The following ANXA8 variants were observed in gnomAD, a reference collection of about 807,000 sequenced individuals.
ANXA8 encodes the protein annexin A8.
In ANXA8, 9 loss-of-function variants were observed where a neutral mutation model predicts 26.8. That is an observed-to-expected ratio of 0.34 (90% CI 0.20 to 0.59). ANXA8 has a LOEUF of 0.59. Ranked by LOEUF, ANXA8 falls within the 20% of genes least tolerant of loss-of-function variation. ANXA8 has a pLI of 0.84. For missense variants in ANXA8, 83 were observed against 238.5 expected, an observed-to-expected ratio of 0.35 and a Z score of 4.29; for synonymous variants, 39 against 94.8, an observed-to-expected ratio of 0.41 and a Z score of 3.42.
At chr10:47,639,003 T>C in the ANXA8 span, among the ~76,000 whole-genome samples, 1 of 150,298 alleles carries the variant, frequency 6.7e-6, no homozygotes, top group Non-Finnish European at 1.5e-5. Flanking sequence ...ACTAATATAT[T>C]ATGAATTCAT....
the ANXA8 span, among the ~76,000 whole-genome samples, chr10:47,513,769 T>G: frequency 7.3e-4 from 100 of 137,882 alleles, 26 homozygotes; most frequent in East Asian, 0.027. Context: ...CAAAGCCACC[T>G]AAAACATAAA....
the ANXA8 span, among the ~76,000 whole-genome samples, chr10:47,658,065 T>C: frequency 6.6e-6 from 1 of 151,794 alleles, no homozygotes; most frequent in African/African-American, 2.4e-5. Flanking sequence ...CATCTGTCAG[T>C]ATGTTCAAAA....
the ANXA8 span, chr10:47,507,661 G>C: frequency 1.3e-6 from 2 of 1,503,514 alleles, 1 homozygote; most frequent in Non-Finnish European, 1.8e-6. Flanking sequence ...AAGGGGGGCA[G>C]AGGAAACTCT....
chr10:47,945,137 G>A, the ANXA8 span, among the ~76,000 whole-genome samples: 3 of 150,184 alleles, frequency 2.0e-5, 1 homozygote, highest in South Asian at 6.3e-4. Context: ...CCCTCTTGTG[G>A]TTCAGAGAAT....
At chr10:47,611,347 CA>C in the ANXA8 span, among the ~76,000 whole-genome samples, 1 of 75,888 alleles carries the variant, frequency 1.3e-5, no homozygotes, top group Non-Finnish European at 2.6e-5. Context: ...CTTGAGAACA[CA>C]AATATAAAGT....
At chr10:47,626,820 A>G in the ANXA8 span, among the ~76,000 whole-genome samples, 1 of 150,254 alleles carries the variant, frequency 6.7e-6, no homozygotes, top group Non-Finnish European at 1.5e-5. Context: ...GAAGGAAGAG[A>G]AGAAGCTAAG....
At chr10:47,763,565 C>T in the ANXA8 span, 1 of 561,580 alleles carries the variant, frequency 1.8e-6, no homozygotes, top group Non-Finnish European at 2.2e-6. Context: ...GTACACCCAG[C>T]GCCTATTATT....
chr10:47,736,689 C>CT, the ANXA8 span, among the ~76,000 whole-genome samples: 497 of 149,314 alleles, frequency 3.3e-3, 7 homozygotes, highest in Non-Finnish European at 5.4e-3. Flanking sequence ...CAGTTTCACT[C>CT]TGTCACCCTG....
the ANXA8 span, among the ~76,000 whole-genome samples, chr10:47,513,159 C>T: frequency 3.2e-3 from 485 of 149,460 alleles, no homozygotes; most frequent in African/African-American, 0.011. Context: ...CTCAGCCACC[C>T]GAGTAGATGG....
chr10:47,650,149 A>G, the ANXA8 span, among the ~76,000 whole-genome samples: 1 of 147,876 alleles, frequency 6.8e-6, no homozygotes, highest in East Asian at 2.0e-4. Flanking sequence ...TGGAGGTTGT[A>G]GTGAGCTGAG....
chr10:47,666,307 G>T, the ANXA8 span, among the ~76,000 whole-genome samples: 2 of 150,138 alleles, frequency 1.3e-5, no homozygotes, highest in African/African-American at 5.0e-5. Context: ...AGATCATTGT[G>T]ACAGTGAAAT....
chr10:47,958,150 C>T, the ANXA8 span, among the ~76,000 whole-genome samples: 3 of 150,188 alleles, frequency 2.0e-5, no homozygotes, highest in Non-Finnish European at 4.4e-5. Context: ...CCTCCATTCG[C>T]CTGCATGGCC....
chr10:47,980,284 G>A, the ANXA8 span, among the ~76,000 whole-genome samples: 1 of 151,614 alleles, frequency 6.6e-6, no homozygotes, highest in Admixed American at 6.6e-5. Context: ...GCAATACTTA[G>A]GGAGACTTTT....
chr10:47,691,632 G>A, the ANXA8 span, among the ~76,000 whole-genome samples: 52 of 150,684 alleles, frequency 3.5e-4, no homozygotes, highest in Middle Eastern at 3.4e-3. Context: ...AGTTTTGCGT[G>A]CCTGTAGTCC....
At chr10:47,623,677 T>C in the ANXA8 span, among the ~76,000 whole-genome samples, 6 of 108,144 alleles carry the variant, frequency 5.5e-5, 1 homozygote, top group Non-Finnish European at 1.2e-4. Flanking sequence ...TTTGTGTTTT[T>C]AGTCTTTTCA....
chr10:47,525,910 T>G, the ANXA8 span, among the ~76,000 whole-genome samples: 2 of 130,768 alleles, frequency 1.5e-5, 1 homozygote, highest in South Asian at 4.9e-4. Context: ...GCTCAAGCGA[T>G]TCTCCTGCCT....
the ANXA8 span, among the ~76,000 whole-genome samples, chr10:47,772,359 A>C: frequency 6.6e-6 from 1 of 152,246 alleles, no homozygotes; most frequent in Non-Finnish European, 1.5e-5. Context: ...GGAATCTGAT[A>C]GGGAAAGTGT....
the ANXA8 span, among the ~76,000 whole-genome samples, chr10:47,648,334 G>A: frequency 2.4e-4 from 36 of 151,086 alleles, 1 homozygote; most frequent in Middle Eastern, 3.4e-3. Flanking sequence ...AGAGAAATGT[G>A]GCTAAAGATC....
the ANXA8 span, among the ~76,000 whole-genome samples, chr10:47,967,856 G>T: frequency 7.9e-6 from 1 of 126,656 alleles, no homozygotes; most frequent in Non-Finnish European, 1.7e-5. Flanking sequence ...ACACTGTTGG[G>T]GAAATTTACC....
Sources: allele counts gnomAD v4.1 joint callset (sites outside exome capture counted in the v4.1 genomes callset), GRCh38; gene constraint gnomAD v4.1.1; transcripts MANE v1.5; gene names NCBI Gene and HGNC (gene_info 2026-07-23, HGNC 2026-07-21).